Variants in CLTA observed in about 807,000 individuals in gnomAD.
CLTA encodes the protein clathrin, light polypeptide (Lca).
In CLTA, 9 loss-of-function variants were observed where a neutral mutation model predicts 26.9. That is an observed-to-expected ratio of 0.33 (90% CI 0.20 to 0.58). The LOEUF (loss-of-function observed/expected upper bound fraction) is 0.58, where lower values mean the gene tolerates loss of function less well. Ranked by LOEUF, CLTA falls within the 20% of genes least tolerant of loss-of-function variation. The probability of loss-of-function intolerance (pLI) is 0.85; values close to 1 mark genes in which losing one functional copy is unlikely to be tolerated. For missense variants in CLTA, 278 were observed against 294.2 expected, an observed-to-expected ratio of 0.94 and a Z score of 0.40; for synonymous variants, 120 against 115.5, an observed-to-expected ratio of 1.04 and a Z score of -0.25.
chr9:36,193,639 G>C (rs1166444460), intron 1 of CLTA, among the ~76,000 whole-genome samples: 1 of 152,114 alleles, frequency 6.6e-6, no homozygotes, highest in Non-Finnish European at 1.5e-5. Flanking sequence ...TTTTAGGCGG[G>C]AGCTCTCTTT....
At chr9:36,203,903 CAG>C (rs768401892) in intron 3 of CLTA, 163 bp from the exon 4 acceptor site, 7 of 484,020 alleles carry the variant, frequency 1.4e-5, no homozygotes, top group African/African-American at 2.1e-5. Flanking sequence ...GTTGTGCAAA[CAG>C]AGAAAACAGA....
intron 4 of CLTA, among the ~76,000 whole-genome samples, chr9:36,204,462 G>A (rs773810927): frequency 1.3e-5 from 2 of 152,116 alleles, no homozygotes; most frequent in Non-Finnish European, 2.9e-5. Context: ...TACTTTCCAT[G>A]GAACCCTGAA....
chr9:36,208,956 A>G (rs1428243018), intron 4 of CLTA, among the ~76,000 whole-genome samples: 1 of 152,180 alleles, frequency 6.6e-6, no homozygotes, highest in Non-Finnish European at 1.5e-5. Flanking sequence ...GAATCAACAT[A>G]ATGTATGTGA....
At chr9:36,198,144 A>G (rs13283924) in intron 2 of CLTA, among the ~76,000 whole-genome samples, 7,907 of 151,804 alleles carry the variant, frequency 0.052, 299 homozygotes, top group Non-Finnish European at 0.077. Flanking sequence ...TTACAGGCGC[A>G]TGCCACCACG....
chr9:36,194,317 G>A (rs919511920), intron 1 of CLTA, among the ~76,000 whole-genome samples: 3 of 152,216 alleles, frequency 2.0e-5, no homozygotes, highest in African/African-American at 7.2e-5. Context: ...GTGAACCACC[G>A]CACCCGGTGA....
intron 1 of CLTA, among the ~76,000 whole-genome samples, chr9:36,196,292 T>TAAAAC (rs1445714219): frequency 6.7e-6 from 1 of 149,176 alleles, no homozygotes; most frequent in Non-Finnish European, 1.5e-5. Context: ...CAAAAAAAAA[T>TAAAAC]AAAATACATA....
At chr9:36,211,414 G>A in intron 4 of CLTA, 189 bp from the exon 5 acceptor site, 1 of 199,672 alleles carries the variant, frequency 5.0e-6, no homozygotes, top group Non-Finnish European at 9.0e-6. Context: ...AGCGGTCTGG[G>A]CACCCTGTGC....
chr9:36,192,499 T>C (rs921596213), intron 1 of CLTA, among the ~76,000 whole-genome samples: 2 of 152,184 alleles, frequency 1.3e-5, no homozygotes, highest in African/African-American at 4.8e-5. Flanking sequence ...CAATAAGAAC[T>C]TAGTGGGAAC....
At chr9:36,210,292 T>C (rs981533278) in intron 4 of CLTA, among the ~76,000 whole-genome samples, 4 of 152,158 alleles carry the variant, frequency 2.6e-5, no homozygotes, top group African/African-American at 7.2e-5. Flanking sequence ...TCTCAGGGCC[T>C]ATGACCTTGA....
intron 4 of CLTA, among the ~76,000 whole-genome samples, chr9:36,208,491 G>T (rs760818105): frequency 6.6e-6 from 1 of 152,210 alleles, no homozygotes; most frequent in Non-Finnish European, 1.5e-5. Context: ...AACAACAGAA[G>T]CCAGGGCCAG....
intron 2 of CLTA, among the ~76,000 whole-genome samples, chr9:36,197,808 C>T (rs535921074): frequency 6.6e-6 from 1 of 152,246 alleles, no homozygotes; most frequent in Non-Finnish European, 1.5e-5. Context: ...AGTGTTATCA[C>T]CTTTATTCTA....
intron 1 of CLTA, among the ~76,000 whole-genome samples, chr9:36,193,435 C>T (rs1234715638): frequency 2.0e-5 from 3 of 151,876 alleles, no homozygotes; most frequent in African/African-American, 7.3e-5. Flanking sequence ...CACCACTGCC[C>T]GGCCTCAGTT....
At chr9:36,209,384 G>A in intron 4 of CLTA, 1 of 1,286,388 alleles carries the variant, frequency 7.8e-7, no homozygotes, top group Non-Finnish European at 1.1e-6. Context: ...TAGAGTTAAT[G>A]CTCCTTTTAT....
chr9:36,192,616 G>T (rs1189792747), intron 1 of CLTA, among the ~76,000 whole-genome samples: 1 of 152,098 alleles, frequency 6.6e-6, no homozygotes, highest in African/African-American at 2.4e-5. Flanking sequence ...ATTTTCATTG[G>T]GTGGTCTCTA....
chr9:36,199,536 G>GC (rs1415956224), intron 3 of CLTA, among the ~76,000 whole-genome samples: 1 of 147,866 alleles, frequency 6.8e-6, no homozygotes, highest in Non-Finnish European at 1.5e-5. Context: ...TGCAAGCTCT[G>GC]CCTCCCGGGT....
intron 3 of CLTA, 49 bp downstream of exon 3, chr9:36,199,145 G>A: frequency 8.7e-7 from 1 of 1,152,364 alleles, no homozygotes; most frequent in Middle Eastern, 1.9e-4. Context: ...TGGAGTAGTT[G>A]AGCTGGACTC....
intron 3 of CLTA, among the ~76,000 whole-genome samples, chr9:36,200,420 C>T (rs927915776): frequency 6.6e-6 from 1 of 152,158 alleles, no homozygotes; most frequent in African/African-American, 2.4e-5. Flanking sequence ...TGTACACCTC[C>T]TAGAAATAAT....
intron 3 of CLTA, among the ~76,000 whole-genome samples, chr9:36,202,225 A>G (rs1375089845): frequency 6.6e-6 from 1 of 152,228 alleles, no homozygotes; most frequent in East Asian, 1.9e-4. Context: ...ACCGAGATGA[A>G]CGTTCCTACT....
Position 36,191,026 on chromosome 9 carries a change from C to T in CLTA, c.-31C>T, listed in dbSNP as rs780043325. ...GTGGGTCGGTTGGTTTTTGTCTCAC[C>T]GTTGGTGTCCGTGCCGTTCAGTTGC... On this transcript the variant is annotated 5_prime_UTR_variant, in exon 1 of 5. Coordinates refer to ENST00000345519, the MANE Select transcript of CLTA (RefSeq NM_001833.4). 213 of 1,495,414 alleles carry T rather than the reference C, an allele frequency of 1.4e-4. 1 individual carries two copies. Among genetic ancestry groups the T allele is most frequent in the Middle Eastern group, 9.0e-4 (5 of 5,586 alleles). The allele number at this position is 1,495,414 out of a possible 1,614,324, so 92.6% of individuals were successfully genotyped here. A position where few individuals can be genotyped will look rare whatever the true frequency, so the allele number is the denominator to read the frequency against.
Sources: allele counts gnomAD v4.1 joint callset (sites outside exome capture counted in the v4.1 genomes callset), GRCh38; gene constraint gnomAD v4.1.1; transcripts MANE v1.5; gene names NCBI Gene and HGNC (gene_info 2026-07-23, HGNC 2026-07-21).